SEMA3E: variants seen among roughly 807,000 people sequenced by gnomAD.
SEMA3E encodes semaphorin 3E, also known as semaphorin-3E.
A neutral mutation model predicts 93.6 loss-of-function variants in SEMA3E; 49 were observed. That is an observed-to-expected ratio of 0.52 (90% confidence interval 0.42 to 0.66). The LOEUF (loss-of-function observed/expected upper bound fraction) is 0.66. SEMA3E is among the 30% of genes least tolerant of loss of function. SEMA3E has a pLI of 0.00. For synonymous variants in SEMA3E, 363 were observed against 330.7 expected, an observed-to-expected ratio of 1.10 and a Z score of -1.06; for missense variants, 906 against 964.8, an observed-to-expected ratio of 0.94 and a Z score of 0.81.
At chr7:83,430,595 A>G (rs1232282722) in intron 4 of SEMA3E, among the ~76,000 whole-genome samples, 2 of 152,100 alleles carry the variant, frequency 1.3e-5, no homozygotes, top group Non-Finnish European at 2.9e-5. Context: ...ACCAAACACC[A>G]CATGTTCTCA....
At chr7:83,564,077 A>C (rs1286064726) in intron 1 of SEMA3E, among the ~76,000 whole-genome samples, 1 of 152,220 alleles carries the variant, frequency 6.6e-6, no homozygotes. Context: ...GAAATGTAAT[A>C]AAATAGAGGA....
At chr7:83,525,209 G>T (rs934364990) in intron 1 of SEMA3E, among the ~76,000 whole-genome samples, 1 of 152,048 alleles carries the variant, frequency 6.6e-6, no homozygotes, top group Non-Finnish European at 1.5e-5. Flanking sequence ...GGATTTTAGA[G>T]TTGAAGCTAT....
intron 1 of SEMA3E, among the ~76,000 whole-genome samples, chr7:83,511,359 T>C (rs1460787272): frequency 6.6e-6 from 1 of 151,888 alleles, no homozygotes; most frequent in African/African-American, 2.4e-5. Context: ...AGGATTCTAA[T>C]GCTTCATTTT....
chr7:83,557,004 C>T (rs1360332547), intron 1 of SEMA3E, among the ~76,000 whole-genome samples: 2 of 152,068 alleles, frequency 1.3e-5, no homozygotes, highest in African/African-American at 2.4e-5. Flanking sequence ...CTTCCAGCCT[C>T]CAGAACTAAG....
chr7:83,447,363 C>T lies in SEMA3E; in HGVS notation c.456+19119G>A, dbSNP rs951960695. Among the ~76,000 whole-genome samples, 5 of 152,062 alleles carry T rather than the reference C, an allele frequency of 3.3e-5. No homozygotes were observed. The East Asian group carries it at 7.8e-4, about 24-fold the overall frequency. ...CATCCTGGCCAATATGGTGAAACCC[C>T]GTCTCTACTAAAAATACAAAAGAAA... On this transcript the variant is annotated intron_variant, in intron 4 of 16. Transcript: ENST00000643230.
chr7:83,509,263 G>A (rs1790764374), intron 1 of SEMA3E, among the ~76,000 whole-genome samples: 1 of 152,186 alleles, frequency 6.6e-6, no homozygotes, highest in Non-Finnish European at 1.5e-5. Flanking sequence ...GGGAGAAAAT[G>A]AGGATAATAT....
At chr7:83,487,199 A>C (rs568669309) in intron 2 of SEMA3E, among the ~76,000 whole-genome samples, 1 of 152,244 alleles carries the variant, frequency 6.6e-6, no homozygotes, top group Non-Finnish European at 1.5e-5. Context: ...GGGGAATCAC[A>C]TTACAATGAG....
At chr7:83,593,542 T>C (rs1792805533) in intron 1 of SEMA3E, among the ~76,000 whole-genome samples, 1 of 152,002 alleles carries the variant, frequency 6.6e-6, no homozygotes, top group African/African-American at 2.4e-5. Flanking sequence ...GAGTAGAGGC[T>C]GAGAAGCAGT....
Position 83,385,297 on chromosome 7 carries a change from CTCT to C in SEMA3E, c.1869_1871del (p.Glu625del). 1 of 1,613,158 alleles carries C rather than the reference CTCT, an allele frequency of 6.2e-7. No individual in the cohort carries two copies. Among genetic ancestry groups the C allele is most frequent in the Non-Finnish European group, 8.5e-7 (1 of 1,179,382 alleles). ...TGAATATGCAGCTATGAATTACCTC[CTCT>C]TTTCTTGTCTCACGTCCTTTCTGTA... On this transcript the variant is annotated inframe_deletion, in exon 16 of 17. Transcript: ENST00000643230.
chr7:83,567,130 C>A (rs1297306812), intron 1 of SEMA3E, among the ~76,000 whole-genome samples: 3 of 152,076 alleles, frequency 2.0e-5, no homozygotes, highest in African/African-American at 7.2e-5. Flanking sequence ...TCAGATAAAG[C>A]AGACTTTACG....
intron 1 of SEMA3E, among the ~76,000 whole-genome samples, chr7:83,594,402 C>T (rs901497987): frequency 1.3e-5 from 2 of 152,058 alleles, no homozygotes; most frequent in African/African-American, 4.8e-5. Context: ...TGTAAACAAA[C>T]GAACCATTTC....
chr7:83,493,752 T>G (rs2115570291), intron 1 of SEMA3E, among the ~76,000 whole-genome samples: 1 of 152,056 alleles, frequency 6.6e-6, no homozygotes, highest in African/African-American at 2.4e-5. Flanking sequence ...CTAGAGTTTA[T>G]GAATGCCATG....
At chr7:83,602,481 A>G (rs941698556) in intron 1 of SEMA3E, among the ~76,000 whole-genome samples, 3 of 119,046 alleles carry the variant, frequency 2.5e-5, no homozygotes, top group African/African-American at 9.2e-5. Flanking sequence ...GGCATTTAGA[A>G]GCACTTTTTT....
intron 1 of SEMA3E, among the ~76,000 whole-genome samples, chr7:83,553,780 G>T (rs1191511036): frequency 6.6e-6 from 1 of 151,962 alleles, no homozygotes; most frequent in Non-Finnish European, 1.5e-5. Flanking sequence ...GTCAATCCTA[G>T]TTCATAAGTC....
At position 83,460,254 on chromosome 7, in the gene SEMA3E, A is replaced by G. The variant is rs201812482; in HGVS notation, c.456+6228T>C. 8.2e-4 allele frequency among the ~76,000 whole-genome samples: 125 copies of G among 152,216 alleles called. 1 individual carries two copies. In the East Asian group the frequency reaches 8.8e-3, roughly 11 times the overall value. ...TGACCAGCCCAAGGAACATCTCACC[A>G]ATTTTAAATCAGGTAAGCAGCCTCT... On this transcript the variant is annotated intron_variant, in intron 4 of 16. Coordinates refer to ENST00000643230, the MANE Select transcript of SEMA3E (RefSeq NM_012431.3).
At chr7:83,465,022 A>ACT (rs397757109) in intron 4 of SEMA3E, among the ~76,000 whole-genome samples, 3 of 148,510 alleles carry the variant, frequency 2.0e-5, no homozygotes, top group African/African-American at 7.4e-5. Flanking sequence ...CTGAAGAATC[A>ACT]AAAGAAGTGA....
At chr7:83,472,940 G>T (rs537605893) in intron 2 of SEMA3E, among the ~76,000 whole-genome samples, 3 of 152,154 alleles carry the variant, frequency 2.0e-5, no homozygotes, top group Non-Finnish European at 4.4e-5. Context: ...TGTGAAAAAG[G>T]TGCTTTGTTT....
intron 1 of SEMA3E, among the ~76,000 whole-genome samples, chr7:83,514,886 G>A: frequency 6.6e-6 from 1 of 151,668 alleles, no homozygotes. Context: ...ATTCTACTTT[G>A]GATAATAATT....
intron 1 of SEMA3E, among the ~76,000 whole-genome samples, chr7:83,508,274 T>C (rs1790744985): frequency 6.6e-6 from 1 of 151,826 alleles, no homozygotes; most frequent in South Asian, 2.1e-4. Context: ...TTTTTTTTTT[T>C]TTTTGAAGAT....
Sources: allele counts gnomAD v4.1 joint callset (sites outside exome capture counted in the v4.1 genomes callset), GRCh38; gene constraint gnomAD v4.1.1; transcripts MANE v1.5; gene names NCBI Gene and HGNC (gene_info 2026-07-23, HGNC 2026-07-21).